PREX2: variants seen among roughly 807,000 people sequenced by gnomAD.
PREX2 encodes phosphatidylinositol 3,4,5-trisphosphate-dependent Rac exchanger 2 protein.
PREX2 carries 107 observed loss-of-function variants against 203.2 expected under a neutral mutation model. That is an observed-to-expected ratio of 0.53 (90% CI 0.45 to 0.62). The LOEUF is 0.62. Ranked by LOEUF, PREX2 falls within the 20% of genes least tolerant of loss-of-function variation. PREX2 has a pLI of 0.00. For missense variants in PREX2, 1,777 were observed against 1,955.9 expected (o/e 0.91, Z 1.72); for synonymous variants, 672 against 663.6 (o/e 1.01, Z -0.19).
chr8:67,953,058 G>T (rs1394939347), intron 1 of PREX2, among the ~76,000 whole-genome samples: 9 of 152,138 alleles, frequency 5.9e-5, no homozygotes, highest in Non-Finnish European at 2.9e-5. Flanking sequence ...TGGTCTTTGA[G>T]ACAGAGGATT....
At chr8:68,067,037 A>C (rs1333082067) in intron 11 of PREX2, among the ~76,000 whole-genome samples, 2 of 152,076 alleles carry the variant, frequency 1.3e-5, no homozygotes, top group Non-Finnish European at 2.9e-5. Context: ...CAATGACCAT[A>C]AATCTGTGAA....
intron 1 of PREX2, among the ~76,000 whole-genome samples, chr8:67,973,204 C>A (rs575647008): frequency 7.2e-5 from 11 of 152,154 alleles, no homozygotes; most frequent in Non-Finnish European, 1.5e-4. Context: ...TGATATCCGT[C>A]CAACAAACAT....
intron 31 of PREX2, among the ~76,000 whole-genome samples, chr8:68,129,510 A>G (rs2129613297): frequency 6.6e-6 from 1 of 152,220 alleles, no homozygotes; most frequent in South Asian, 2.1e-4. Flanking sequence ...TCTTTTAAAT[A>G]TTCTTAACCT....
intron 32 of PREX2, 50 bp downstream of exon 32, chr8:68,134,326 T>C: frequency 7.2e-7 from 1 of 1,391,380 alleles, no homozygotes; most frequent in South Asian, 1.2e-5. Context: ...TAACCTGCAC[T>C]GTAACATGTT....
In PREX2 at chr8:68,115,753, C is replaced by T; in HGVS notation, c.3147C>T (p.Asp1049=). Residue 1049 remains aspartate (D), a splice_region_variant and synonymous_variant, in exon 26 of 40, where the codon GAC becomes GAT. Coordinates refer to ENST00000288368, the MANE Select transcript of PREX2 (RefSeq NM_024870.4). ...ATTTTTTTTTAATATTACATTGCAGCCTTCTGTCTTCAATAACATATTCTC... is the reference window on the plus strand; with the variant it reads ...ATTTTTTTTTAATATTACATTGCAGTCTTCTGTCTTCAATAACATATTCTC... ...EVEMCVCQID[D]LLSSITYSPK... 6.3e-7 allele frequency: 1 copy of T among 1,597,670 alleles called. No individual in the cohort carries two copies. Among genetic ancestry groups the T allele is most frequent in the Non-Finnish European group, 8.5e-7 (1 of 1,172,516 alleles).
intron 15 of PREX2, among the ~76,000 whole-genome samples, chr8:68,077,965 A>C (rs929691792): frequency 6.6e-6 from 1 of 152,042 alleles, no homozygotes; most frequent in African/African-American, 2.4e-5. Context: ...ATTAAATGTT[A>C]ATTTTTTTTC....
intron 21 of PREX2, among the ~76,000 whole-genome samples, chr8:68,095,870 T>C (rs1810054662): frequency 6.6e-6 from 1 of 152,060 alleles, no homozygotes; most frequent in African/African-American, 2.4e-5. Context: ...TTCAAACTCT[T>C]GAGCTTAAGT....
chr8:68,191,873 TTAATC>T, intron 36 of PREX2, 85 bp downstream of exon 36: 2 of 897,694 alleles, frequency 2.2e-6, no homozygotes, highest in Non-Finnish European at 3.6e-6. Context: ...TGCAGAAAAA[TTAATC>T]TAAGTAGTTT....
chr8:68,173,136 A>G (rs1049438802), intron 35 of PREX2, among the ~76,000 whole-genome samples: 5 of 152,224 alleles, frequency 3.3e-5, no homozygotes, highest in Admixed American at 3.3e-4. Context: ...CAAAGTTAGT[A>G]CCATAAAAAT....
chr8:68,021,439 C>A (rs567753013), intron 3 of PREX2, among the ~76,000 whole-genome samples: 1 of 152,310 alleles, frequency 6.6e-6, no homozygotes, highest in African/African-American at 2.4e-5. Flanking sequence ...CAGGGTCTCT[C>A]ATTCTCTTAG....
chr8:68,052,383 G>A (rs913018039), intron 8 of PREX2, among the ~76,000 whole-genome samples: 1 of 152,156 alleles, frequency 6.6e-6, no homozygotes, highest in Non-Finnish European at 1.5e-5. Flanking sequence ...AGGGTTTGCT[G>A]TTGACATTTT....
intron 26 of PREX2, among the ~76,000 whole-genome samples, chr8:68,118,282 C>T (rs948841372): frequency 2.0e-5 from 3 of 150,078 alleles, no homozygotes; most frequent in African/African-American, 7.4e-5. Context: ...GTGAACCCTG[C>T]AGGCGGAGCT....
At chr8:68,106,634 T>C (rs1810419296) in intron 23 of PREX2, among the ~76,000 whole-genome samples, 1 of 152,162 alleles carries the variant, frequency 6.6e-6, no homozygotes, top group Non-Finnish European at 1.5e-5. Flanking sequence ...CGTATACATA[T>C]AAGAGAGTCC....
intron 6 of PREX2, among the ~76,000 whole-genome samples, chr8:68,034,833 TG>T (rs1807983599): frequency 6.6e-6 from 1 of 152,128 alleles, no homozygotes; most frequent in African/African-American, 2.4e-5. Flanking sequence ...TGCTGGGACT[TG>T]TTTCTTTTTG....
intron 21 of PREX2, among the ~76,000 whole-genome samples, chr8:68,096,603 C>T (rs1363871359): frequency 6.6e-6 from 1 of 152,178 alleles, no homozygotes; most frequent in East Asian, 1.9e-4. Flanking sequence ...CTTTCTGCTT[C>T]TTCAATATGG....
In PREX2 at chr8:68,191,714, T is replaced by C; in HGVS notation, c.4347-8T>C. Reference sequence around the variant, plus strand: ...ACAAATGATAATTTATTTCTTGGATTCTTACAGGGCATTCTACTTGGACAA... The same window carrying C: ...ACAAATGATAATTTATTTCTTGGATCCTTACAGGGCATTCTACTTGGACAA... On this transcript the variant is annotated splice_polypyrimidine_tract_variant and splice_region_variant and intron_variant, in intron 35 of 39. Transcript: ENST00000288368. The C allele has an allele frequency of 6.3e-7, 1 of 1,594,530 alleles. No individual in the cohort carries two copies. The highest frequency in any genetic ancestry group is 2.2e-5 in the East Asian group (1 of 44,710).
At chr8:68,033,627 C>T (rs1353241119) in intron 6 of PREX2, among the ~76,000 whole-genome samples, 1 of 152,072 alleles carries the variant, frequency 6.6e-6, no homozygotes, top group Non-Finnish European at 1.5e-5. Context: ...TCATCCATGC[C>T]CTAGCTAAAG....
intron 39 of PREX2, among the ~76,000 whole-genome samples, chr8:68,228,488 T>C (rs1275575236): frequency 6.6e-6 from 1 of 151,912 alleles, no homozygotes; most frequent in Non-Finnish European, 1.5e-5. Flanking sequence ...AATGGCCGGG[T>C]GCATAGGCTC....
intron 1 of PREX2, among the ~76,000 whole-genome samples, chr8:67,991,286 C>T (rs1162008084): frequency 1.3e-5 from 2 of 151,938 alleles, no homozygotes; most frequent in African/African-American, 2.4e-5. Flanking sequence ...AGTTCATATG[C>T]TTCATCTTCA....
Sources: gnomAD v4.1 joint callset for allele counts (sites outside exome capture counted in the v4.1 genomes callset) on GRCh38, gnomAD v4.1.1 for gene constraint, MANE v1.5 for transcripts, NCBI Gene and HGNC (gene_info 2026-07-23, HGNC 2026-07-21) for gene names.